Variants in CNTNAP2 observed in about 807,000 individuals in gnomAD.
The protein encoded by CNTNAP2 is contactin-associated protein-like 2.
Under a neutral mutation model 155.2 loss-of-function variants are expected in CNTNAP2, and 98 were observed. The ratio of observed to expected loss-of-function variants is 0.63; its 90% CI spans 0.54 to 0.75. The LOEUF is 0.75. CNTNAP2 is among the 30% of genes least tolerant of loss of function. CNTNAP2 has a pLI of 0.00. For synonymous variants in CNTNAP2, 651 were observed against 631.2 expected, an observed-to-expected ratio of 1.03 and a Z score of -0.47; for missense variants, 1,727 against 1,688.1, an observed-to-expected ratio of 1.02 and a Z score of -0.40.
chr7:147,044,190 A>G (rs1799312932), intron 4 of CNTNAP2, 136 bp downstream of exon 4: 5 of 881,740 alleles, frequency 5.7e-6, no homozygotes, highest in Admixed American at 2.3e-5. Context: ...ATATGTATCT[A>G]TGCATAGATA....
chr7:147,107,732 A>C (rs1266923170), intron 4 of CNTNAP2, among the ~76,000 whole-genome samples: 1 of 152,156 alleles, frequency 6.6e-6, no homozygotes, highest in Non-Finnish European at 1.5e-5. Flanking sequence ...AAAGAAAACA[A>C]CTTTTTGAAT....
At chr7:148,024,264 C>T (rs1277747865) in intron 15 of CNTNAP2, among the ~76,000 whole-genome samples, 1 of 151,476 alleles carries the variant, frequency 6.6e-6, no homozygotes, top group East Asian at 1.9e-4. Context: ...AGTTAGAGCT[C>T]AGCTTCCTGG....
At chr7:146,247,892 G>T (rs1312604868) in intron 1 of CNTNAP2, among the ~76,000 whole-genome samples, 2 of 152,108 alleles carry the variant, frequency 1.3e-5, no homozygotes, top group South Asian at 2.1e-4. Context: ...AGAAGGGTTG[G>T]GGGTTCTTGC....
intron 15 of CNTNAP2, among the ~76,000 whole-genome samples, chr7:148,074,853 G>A (rs1803454446): frequency 1.3e-5 from 2 of 152,156 alleles, no homozygotes; most frequent in East Asian, 3.8e-4. Context: ...CTGCCATGAT[G>A]TCTCAAAGGC....
intron 3 of CNTNAP2, among the ~76,000 whole-genome samples, chr7:146,903,752 G>A (rs1395914895): frequency 6.6e-6 from 1 of 152,084 alleles, no homozygotes; most frequent in African/African-American, 2.4e-5. Context: ...ATTAATCAAA[G>A]GTTACAAAGA....
intron 19 of CNTNAP2, among the ~76,000 whole-genome samples, chr7:148,222,944 A>G (rs1317903331): frequency 6.6e-6 from 1 of 152,200 alleles, no homozygotes; most frequent in Non-Finnish European, 1.5e-5. Flanking sequence ...TTGCTCATCC[A>G]TAAAATAGTG....
At chr7:147,380,964 G>T (rs1394585308) in intron 9 of CNTNAP2, among the ~76,000 whole-genome samples, 1 of 151,988 alleles carries the variant, frequency 6.6e-6, no homozygotes. Flanking sequence ...ACGAGACTAA[G>T]AAATTATTTT....
At chr7:147,577,930 C>T (rs1325654960) in intron 12 of CNTNAP2, among the ~76,000 whole-genome samples, 1 of 151,980 alleles carries the variant, frequency 6.6e-6, no homozygotes, top group Non-Finnish European at 1.5e-5. Flanking sequence ...CCAGTATTTC[C>T]ATACACAGTA....
At chr7:146,149,408 A>G (rs1339352372) in intron 1 of CNTNAP2, among the ~76,000 whole-genome samples, 3 of 152,152 alleles carry the variant, frequency 2.0e-5, no homozygotes, top group African/African-American at 7.2e-5. Context: ...ATCCATGAAT[A>G]TTGCAGCTTG....
chr7:147,909,646 C>T (rs78049054), intron 14 of CNTNAP2, among the ~76,000 whole-genome samples: 5,048 of 152,290 alleles, frequency 0.033, 132 homozygotes, highest in Non-Finnish European at 0.053. Context: ...TCTAATTACA[C>T]GAGTCTTGGT....
chr7:146,656,350 C>T (rs76518908), intron 1 of CNTNAP2, among the ~76,000 whole-genome samples: 3,331 of 152,136 alleles, frequency 0.022, 42 homozygotes, highest in Middle Eastern at 0.037. Context: ...ATCACTGAAT[C>T]GTGAAAATTA....
intron 3 of CNTNAP2, among the ~76,000 whole-genome samples, chr7:146,938,768 A>G (rs116574096): frequency 1.3e-5 from 2 of 152,200 alleles, no homozygotes; most frequent in East Asian, 3.9e-4. Context: ...GGGACAAAAA[A>G]TTACGCATTT....
chr7:148,363,251 G>A (rs559153383), intron 21 of CNTNAP2, among the ~76,000 whole-genome samples: 9 of 152,302 alleles, frequency 5.9e-5, no homozygotes, highest in East Asian at 3.9e-4. Context: ...CCTAAGTGCC[G>A]GGATTACAGG....
intron 10 of CNTNAP2, among the ~76,000 whole-genome samples, chr7:147,435,587 A>G (rs973747626): frequency 1.3e-5 from 2 of 152,222 alleles, no homozygotes; most frequent in Admixed American, 6.5e-5. Context: ...CATTTTAGGT[A>G]GTTTTGTATA....
At chr7:147,964,495 G>A (rs771692299) in intron 14 of CNTNAP2, among the ~76,000 whole-genome samples, 16 of 151,990 alleles carry the variant, frequency 1.1e-4, no homozygotes, top group African/African-American at 1.9e-4. Context: ...GCAAAAGCAC[G>A]TGGCAATTTC....
chr7:147,166,829 T>C (rs551389336), intron 8 of CNTNAP2, among the ~76,000 whole-genome samples: 1 of 152,240 alleles, frequency 6.6e-6, no homozygotes, highest in East Asian at 1.9e-4. Context: ...GACAATGTCA[T>C]CAATTAAGAC....
chr7:147,593,568 A>T (rs1800777972), intron 12 of CNTNAP2, among the ~76,000 whole-genome samples: 1 of 152,064 alleles, frequency 6.6e-6, no homozygotes, highest in South Asian at 2.1e-4. Flanking sequence ...CCATTTCCTC[A>T]GTTGTAAAAT....
chr7:148,061,406 T>C (rs1244218122), intron 15 of CNTNAP2, among the ~76,000 whole-genome samples: 1 of 152,110 alleles, frequency 6.6e-6, no homozygotes, highest in African/African-American at 2.4e-5. Context: ...CATGCTGTAG[T>C]GCAGTGGCAT....
At chr7:147,365,676 A>G (rs745811773) in intron 9 of CNTNAP2, among the ~76,000 whole-genome samples, 8 of 152,182 alleles carry the variant, frequency 5.3e-5, no homozygotes, top group Non-Finnish European at 1.0e-4. Flanking sequence ...AACACTTTCT[A>G]GATTTACATT....
Sources: allele counts gnomAD v4.1 joint callset (sites outside exome capture counted in the v4.1 genomes callset), GRCh38; gene constraint gnomAD v4.1.1; transcripts MANE v1.5; gene names NCBI Gene and HGNC (gene_info 2026-07-23, HGNC 2026-07-21).